The following CDH8 variants were observed in gnomAD, a reference collection of about 807,000 sequenced individuals.
The protein encoded by CDH8 is cadherin 8.
A neutral mutation model predicts 68.1 loss-of-function variants in CDH8; 17 were observed. That is an observed-to-expected ratio of 0.25 (90% CI 0.17 to 0.37). The LOEUF (loss-of-function observed/expected upper bound fraction) is 0.37, where lower values mean the gene tolerates loss of function less well. Among genes scored for constraint, CDH8 ranks in the 10% least tolerant of loss-of-function variants. The pLI is 1.00. For synonymous variants in CDH8, 372 were observed against 365.1 expected (o/e 1.02, Z -0.21); for missense variants, 763 against 999.3 (o/e 0.76, Z 3.19).
chr16:61,759,911 T>C (rs1315173763), intron 8 of CDH8, among the ~76,000 whole-genome samples: 2 of 152,192 alleles, frequency 1.3e-5, no homozygotes, highest in African/African-American at 4.8e-5. Context: ...ATATCAGAGC[T>C]GCTTGGACCT....
intron 4 of CDH8, among the ~76,000 whole-genome samples, chr16:61,832,733 T>C (rs1219260051): frequency 6.6e-6 from 1 of 151,734 alleles, no homozygotes; most frequent in Non-Finnish European, 1.5e-5. Context: ...GTTAAGGTTA[T>C]AGATATCAAA....
chr16:61,931,762 A>T (rs966012536), intron 2 of CDH8, among the ~76,000 whole-genome samples: 2 of 152,230 alleles, frequency 1.3e-5, no homozygotes, highest in Non-Finnish European at 2.9e-5. Context: ...ACCCACAGTT[A>T]TAAGACGTAC....
intron 2 of CDH8, among the ~76,000 whole-genome samples, chr16:61,968,167 G>C (rs1965284855): frequency 6.6e-6 from 1 of 152,174 alleles, no homozygotes; most frequent in African/African-American, 2.4e-5. Context: ...CTGGAGGGTA[G>C]TTTTATGCAA....
chr16:61,971,449 A>G (rs2150576965), intron 2 of CDH8, among the ~76,000 whole-genome samples: 1 of 152,320 alleles, frequency 6.6e-6, no homozygotes, highest in South Asian at 2.1e-4. Context: ...TATTTTTAAA[A>G]GATACCAATG....
chr16:61,709,738 A>T (rs1964595650), intron 10 of CDH8, among the ~76,000 whole-genome samples: 1 of 152,142 alleles, frequency 6.6e-6, no homozygotes, highest in South Asian at 2.1e-4. Context: ...AAGGTTAAAA[A>T]AAAAAAGTCA....
chr16:61,652,123 G>T lies in CDH8; in HGVS notation c.*1485C>A. ...TTAAAGCAAAGTAGAAAATTAAAAT[G>T]ATCTGCATGTAATACTTGAGTTTTA... On this transcript the variant is annotated 3_prime_UTR_variant, in exon 12 of 12. Transcript: ENST00000577390. The T allele has an allele frequency of 1.0e-6, 1 of 967,836 alleles. No homozygotes were observed. Among genetic ancestry groups the T allele is most frequent in the Non-Finnish European group, 1.2e-6 (1 of 813,914 alleles). The allele number at this position is 967,836 out of a possible 1,614,324, so 60.0% of individuals were successfully genotyped here.
At chr16:61,791,206 T>A (rs1252183134) in intron 7 of CDH8, among the ~76,000 whole-genome samples, 1 of 151,778 alleles carries the variant, frequency 6.6e-6, no homozygotes. Context: ...CCATCCCCAA[T>A]CCCCAGGATA....
chr16:61,656,490 T>C (rs905841096), intron 10 of CDH8, among the ~76,000 whole-genome samples: 2 of 152,172 alleles, frequency 1.3e-5, no homozygotes, highest in African/African-American at 4.8e-5. Flanking sequence ...TGCAAAACAA[T>C]GCACTTTGTT....
chr16:61,938,614 AAAAT>A (rs1475932675), intron 2 of CDH8, among the ~76,000 whole-genome samples: 4 of 152,212 alleles, frequency 2.6e-5, no homozygotes, highest in Non-Finnish European at 5.9e-5. Context: ...TAGAAATAAA[AAAAT>A]AAATAAAGTG....
At chr16:61,781,704 A>G (rs746016757) in intron 8 of CDH8, among the ~76,000 whole-genome samples, 22 of 152,142 alleles carry the variant, frequency 1.4e-4, no homozygotes, top group Non-Finnish European at 2.6e-4. Flanking sequence ...GATTTTTTTG[A>G]GCTTTTTATA....
intron 8 of CDH8, among the ~76,000 whole-genome samples, chr16:61,759,329 T>TA (rs1596940128): frequency 6.6e-6 from 1 of 151,548 alleles, no homozygotes; most frequent in East Asian, 1.9e-4. Flanking sequence ...ATTTATTTTT[T>TA]AAAAAGAAGA....
intron 1 of CDH8, among the ~76,000 whole-genome samples, chr16:62,028,820 G>A (rs1428222790): frequency 6.6e-6 from 1 of 151,866 alleles, no homozygotes; most frequent in African/African-American, 2.4e-5. Context: ...CATTTCTCGA[G>A]TCTAATCTAA....
intron 6 of CDH8, among the ~76,000 whole-genome samples, chr16:61,819,633 T>C (rs1962164294): frequency 6.6e-6 from 1 of 152,126 alleles, no homozygotes. Flanking sequence ...AAATATGTTT[T>C]ATAAAAAAGA....
At chr16:61,808,306 T>C (rs1478907129) in intron 7 of CDH8, among the ~76,000 whole-genome samples, 1 of 152,114 alleles carries the variant, frequency 6.6e-6, no homozygotes, top group Non-Finnish European at 1.5e-5. Flanking sequence ...CAAACCCCTG[T>C]ATTATAGCCA....
At chr16:61,983,473 A>G (rs527683275) in intron 2 of CDH8, among the ~76,000 whole-genome samples, 1 of 152,344 alleles carries the variant, frequency 6.6e-6, no homozygotes, top group African/African-American at 2.4e-5. Flanking sequence ...TTACTAGGTG[A>G]TAGATATAGT....
In CDH8 at chr16:62,021,485, T is replaced by C. The variant is rs371864753; in HGVS notation, c.-82A>G. On this transcript the variant is annotated 5_prime_UTR_variant, in exon 2 of 12. An upstream start codon of the reference 5' UTR is lost. Coordinates refer to ENST00000577390, the MANE Select transcript of CDH8 (RefSeq NM_001796.5). ...CGGTCTGCAGCCATCCAATTCATCA[T>C]GCAGTGCCGAGCATTTACTTACAGC... is the stretch of plus-strand genomic sequence containing the variant. 7 of 1,534,128 alleles carry C rather than the reference T, an allele frequency of 4.6e-6. No individual in the cohort carries two copies. Among genetic ancestry groups the C allele is most frequent in the Middle Eastern group, 1.9e-4 (1 of 5,280 alleles).
At chr16:61,833,593 T>G (rs1042223043) in intron 4 of CDH8, among the ~76,000 whole-genome samples, 1 of 151,876 alleles carries the variant, frequency 6.6e-6, no homozygotes, top group African/African-American at 2.4e-5. Flanking sequence ...ACAAAGTGAT[T>G]TTTCTCTTAT....
chr16:61,838,140 T>C (rs558095788), intron 4 of CDH8, among the ~76,000 whole-genome samples: 61 of 152,236 alleles, frequency 4.0e-4, no homozygotes, highest in African/African-American at 1.4e-3. Flanking sequence ...TAAAATTAAC[T>C]CTATATCAAA....
At chr16:61,685,707 T>C (rs922009925) in intron 10 of CDH8, among the ~76,000 whole-genome samples, 3 of 151,950 alleles carry the variant, frequency 2.0e-5, no homozygotes, top group African/African-American at 7.2e-5. Flanking sequence ...TTTATTATTA[T>C]TATCATTATT....
Sources: gnomAD v4.1 joint callset for allele counts (sites outside exome capture counted in the v4.1 genomes callset) on GRCh38, gnomAD v4.1.1 for gene constraint, MANE v1.5 for transcripts, NCBI Gene and HGNC (gene_info 2026-07-23, HGNC 2026-07-21) for gene names.